USF2: variants seen among roughly 807,000 people sequenced by gnomAD.
USF2 encodes the protein upstream transcription factor 2, c-fos interacting.
Under a neutral mutation model 46.9 loss-of-function variants are expected in USF2, and 16 were observed. The observed-to-expected ratio is 0.34, with a 90% CI of 0.23 to 0.52. The LOEUF (loss-of-function observed/expected upper bound fraction) is 0.52, where lower values mean the gene tolerates loss of function less well. Ranked by LOEUF, USF2 falls within the 20% of genes least tolerant of loss-of-function variation. The pLI is 0.96. For synonymous variants in USF2, 239 were observed against 194.1 expected (o/e 1.23, Z -1.92); for missense variants, 411 against 474.0 (o/e 0.87, Z 1.23).
Position 35,279,505 on chromosome 19 carries a change from C to A in USF2, c.*249C>A. 1 of 476,800 alleles carries A rather than the reference C, an allele frequency of 2.1e-6. No homozygotes were observed. Among genetic ancestry groups the A allele is most frequent in the Non-Finnish European group, 3.6e-6 (1 of 274,174 alleles). 29.5% of individuals were successfully genotyped at this position (476,800 alleles called of 1,614,324 possible). A position where few individuals can be genotyped will look rare whatever the true frequency, so the allele number is the denominator to read the frequency against. On this transcript the variant is annotated 3_prime_UTR_variant, in exon 10 of 10. Coordinates refer to ENST00000222305, the MANE Select transcript of USF2 (RefSeq NM_003367.4). ...GCCCTTCTCCCGGCCCTCACTAAGC[C>A]CCGGCACTTCTAGTGGTCTCACCTG...
Position 35,271,101 on chromosome 19 carries a change from A to G in USF2, c.687A>G (p.Arg229=). ...CTTGTAGAAAAATTGATGGAACCAG[A>G]ACACCCCGAGATGAGAGGAGAAGAG... ...HPYSPKIDGT[R]TPRDERRRAQ... is the part of the protein sequence containing the mutation. The change falls in exon 7 of 10, where the codon AGA becomes AGG. Residue 229 remains arginine (R), a synonymous_variant. Transcript: ENST00000222305. 6.2e-7 allele frequency: 1 copy of G among 1,613,910 alleles called. No individual in the cohort carries two copies. The highest frequency in any genetic ancestry group is 8.5e-7 in the Non-Finnish European group (1 of 1,179,962).
At position 35,279,624 on chromosome 19, in the gene USF2, G is replaced by A; in HGVS notation, c.*368G>A. 4.0e-6 allele frequency: 1 copy of A among 249,588 alleles called. No individual in the cohort carries two copies. Among genetic ancestry groups the A allele is most frequent in the Non-Finnish European group, 7.6e-6 (1 of 131,726 alleles). 15.5% of individuals were successfully genotyped at this position (249,588 alleles called of 1,614,324 possible). On this transcript the variant is annotated 3_prime_UTR_variant, in exon 10 of 10. Coordinates refer to ENST00000222305, the MANE Select transcript of USF2 (RefSeq NM_003367.4). ...CAGGGTGCTGATGGGAAGGAGGGGA[G>A]CCTTTGGGGGGCCACCCGGGGCCTG...
chr19:35,279,289 A>C lies in USF2; in HGVS notation c.*33A>C. ...CACCACCACGCAGCCGCCGCCGCCC[A>C]CGCCGGCCTCTGCTGCCCCCTTCCC... On this transcript the variant is annotated 3_prime_UTR_variant, in exon 10 of 10. Transcript: ENST00000222305. 3 of 1,472,730 alleles carry C rather than the reference A, an allele frequency of 2.0e-6. No homozygotes were observed. The highest frequency in any genetic ancestry group is 1.8e-6 in the Non-Finnish European group (2 of 1,110,782). The allele number at this position is 1,472,730 out of a possible 1,614,324, so 91.2% of individuals were successfully genotyped here.
intron 4 of USF2, 101 bp downstream of exon 4, chr19:35,270,104 C>T: frequency 3.2e-6 from 4 of 1,258,066 alleles, no homozygotes; most frequent in South Asian, 2.1e-5. Context: ...TGTCGCCCAG[C>T]GGATGCTGCC....
intron 7 of USF2, among the ~76,000 whole-genome samples, chr19:35,272,170 C>A (rs980915193): frequency 2.6e-5 from 4 of 152,114 alleles, no homozygotes; most frequent in Non-Finnish European, 5.9e-5. Flanking sequence ...GACCAGCCCC[C>A]CTTTTGCGTC....
chr19:35,274,840 G>A (rs1599629995), intron 7 of USF2, among the ~76,000 whole-genome samples: 1 of 152,184 alleles, frequency 6.6e-6, no homozygotes, highest in East Asian at 1.9e-4. Flanking sequence ...CAGTGATCTG[G>A]GGCATGTGTG....
rs368002921 is a variant in USF2, at chr19:35,269,419, C to G, written c.63-27C>G. 6 of 1,466,744 alleles carry G rather than the reference C, an allele frequency of 4.1e-6. No homozygotes were observed. The African/African-American group carries it at 7.4e-5, about 18-fold the overall frequency. 90.9% of individuals were successfully genotyped at this position (1,466,744 alleles called of 1,614,324 possible). A position where few individuals can be genotyped will look rare whatever the true frequency, so the allele number is the denominator to read the frequency against. The stretch of plus-strand genomic sequence containing the variant: ...GGGGCGCGGGCGCGGGCCGCGCTGA[C>G]CCTGCTCCCTCCTGTGCCCCTGGCA... On this transcript the variant is annotated intron_variant, in intron 1 of 9. Coordinates refer to ENST00000222305, the MANE Select transcript of USF2 (RefSeq NM_003367.4).
intron 7 of USF2, among the ~76,000 whole-genome samples, chr19:35,273,067 C>T (rs540545053): frequency 3.3e-5 from 5 of 152,148 alleles, no homozygotes; most frequent in Admixed American, 6.5e-5. Context: ...CTCTCACCCC[C>T]GCCTCTCCCT....
At chr19:35,269,206 GC>G in intron 1 of USF2, 43 bp downstream of exon 1, 1 of 974,884 alleles carries the variant, frequency 1.0e-6, no homozygotes, top group Non-Finnish European at 1.2e-6. Context: ...CCCGGCCCCG[GC>G]CCCGGCCCCG....
In USF2 at chr19:35,279,238, C is replaced by G; in HGVS notation, c.1023C>G (p.Gly341=). ...AGCAGCACAACCTGGAGATGGTGGGCGAGGGCACCCGGCAGTGACGCCCGC... is the reference window on the plus strand; with the variant it reads ...AGCAGCACAACCTGGAGATGGTGGGGGAGGGCACCCGGCAGTGACGCCCGC... The part of the protein sequence containing the change: ...QLQQHNLEMV[G]EGTRQ Residue 341 remains glycine, a synonymous_variant, in exon 10 of 10, where the codon GGC becomes GGG. Coordinates refer to ENST00000222305, the MANE Select transcript of USF2 (RefSeq NM_003367.4). 6.5e-7 allele frequency: 1 copy of G among 1,548,978 alleles called. No homozygotes were observed. Among genetic ancestry groups the G allele is most frequent in the Non-Finnish European group, 8.7e-7 (1 of 1,146,918 alleles).
intron 7 of USF2, chr19:35,277,493 A>C (rs1374479595): frequency 6.6e-6 from 1 of 152,512 alleles, no homozygotes; most frequent in Non-Finnish European, 1.5e-5. Flanking sequence ...AGCCTTTTCA[A>C]GGGAACGGCA....
In USF2 at chr19:35,270,023, T is replaced by G; in HGVS notation, c.429+20T>G. On this transcript the variant is annotated intron_variant, in intron 4 of 9. Transcript: ENST00000222305. The stretch of plus-strand genomic sequence containing the variant: ...CCGCTGGTAGGTGCCCTGCCACCCC[T>G]GGGTGGGGGGGGGAGGGAGTGGAGA... The G allele has an allele frequency of 7.5e-7, 1 of 1,333,478 alleles. No individual in the cohort carries two copies. The highest frequency in any genetic ancestry group is 9.5e-7 in the Non-Finnish European group (1 of 1,048,152). 82.6% of individuals were successfully genotyped at this position (1,333,478 alleles called of 1,614,324 possible). A position where few individuals can be genotyped will look rare whatever the true frequency, so the allele number is the denominator to read the frequency against.
At chr19:35,270,030 G>A (rs1026779103) in intron 4 of USF2, 27 bp downstream of exon 4, 4 of 1,347,080 alleles carry the variant, frequency 3.0e-6, no homozygotes, top group Middle Eastern at 2.7e-4. Flanking sequence ...CCCTGGGTGG[G>A]GGGGGGAGGG....
In USF2 at chr19:35,269,489, G is replaced by A. The variant is rs1462048055; in HGVS notation, c.106G>A (p.Glu36Lys). The change falls in exon 2 of 10, where the codon GAA becomes AAA. Residue 36 changes from glutamate to lysine, a missense_variant. Glu to Lys is a moderately conservative substitution (Grantham distance 56). This residue lies in a region of USF2 where 318 missense variants were observed against 322.4 expected (regional missense o/e 0.99). Transcript: ENST00000222305. ...GGCGGAGGAGGGCGTCGAGCTGCAG[G>A]AAGGTGAGTGCTTGCCGGGCCGGCC... ...PEAEEGVELQEGGDGPGAEEQ... is the reference protein window; with the variant it reads ...PEAEEGVELQKGGDGPGAEEQ... The A allele has an allele frequency of 6.4e-7, 1 of 1,554,312 alleles. No individual in the cohort carries two copies. Among genetic ancestry groups the A allele is most frequent in the Middle Eastern group, 2.3e-4 (1 of 4,346 alleles).
At chr19:35,270,028 G>C (rs1411022042) in intron 4 of USF2, 25 bp downstream of exon 4, 7 of 971,600 alleles carry the variant, frequency 7.2e-6, no homozygotes, top group Middle Eastern at 4.6e-4. Flanking sequence ...ACCCCTGGGT[G>C]GGGGGGGGAG....
chr19:35,277,998 T>C (rs2066258008), intron 7 of USF2: 1 of 152,244 alleles, frequency 6.6e-6, no homozygotes, highest in Non-Finnish European at 1.5e-5. Flanking sequence ...ATCTGGGTTT[T>C]TTAAGTAAAA....
At chr19:35,278,501 C>T (rs994434552) in intron 7 of USF2, 197 bp from the exon 8 acceptor site, 4 of 602,998 alleles carry the variant, frequency 6.6e-6, no homozygotes, top group Non-Finnish European at 1.2e-5. Flanking sequence ...GGAGGGCCCA[C>T]GTTTCTTTGT....
chr19:35,269,373 C>T, intron 1 of USF2, 73 bp from the exon 2 acceptor site: 7 of 1,265,794 alleles, frequency 5.5e-6, no homozygotes, highest in Non-Finnish European at 7.0e-6. Context: ...GACTGGGGCC[C>T]TGCAGCTGGG....
At position 35,279,351 on chromosome 19, in the gene USF2, C is replaced by A; in HGVS notation, c.*95C>A. On this transcript the variant is annotated 3_prime_UTR_variant, in exon 10 of 10. Transcript: ENST00000222305. ...ACAGAGAGGGACACATGCCCCTCCC[C>A]CAGCTGCGTTTTTTTATAGTAGATT... The A allele has an allele frequency of 7.9e-7, 1 of 1,264,080 alleles. No homozygotes were observed. Among genetic ancestry groups the A allele is most frequent in the South Asian group, 1.8e-5 (1 of 55,684 alleles). 78.3% of individuals were successfully genotyped at this position (1,264,080 alleles called of 1,614,324 possible).
Sources: gnomAD v4.1 joint callset for allele counts (sites outside exome capture counted in the v4.1 genomes callset) on GRCh38, gnomAD v4.1.1 for gene constraint, gnomAD v4.1.1 regional missense constraint, MANE v1.5 for transcripts, NCBI Gene and HGNC (gene_info 2026-07-23, HGNC 2026-07-21) for gene names.